The following CYTH1 variants were observed in gnomAD, a reference collection of about 807,000 sequenced individuals.
CYTH1 encodes cytohesin 1.
CYTH1 carries 18 observed loss-of-function variants against 61.8 expected under a neutral mutation model. That is an observed-to-expected ratio of 0.29 (90% CI 0.20 to 0.43). The LOEUF (loss-of-function observed/expected upper bound fraction) is 0.43, where lower values mean the gene tolerates loss of function less well. Ranked by LOEUF, CYTH1 falls within the 20% of genes least tolerant of loss-of-function variation. The pLI is 1.00. For missense variants in CYTH1, 336 were observed against 510.5 expected (o/e 0.66, Z 3.29); for synonymous variants, 174 against 184.3 (o/e 0.94, Z 0.45).
chr17:78,693,630 G>GA (rs900604219), intron 10 of CYTH1, among the ~76,000 whole-genome samples: 15 of 110,394 alleles, frequency 1.4e-4, no homozygotes, highest in African/African-American at 1.8e-4. Context: ...CAAAAAAAAA[G>GA]AAAAAAAAAA....
At chr17:78,703,839 G>C (rs1157017230) in intron 3 of CYTH1, among the ~76,000 whole-genome samples, 1 of 152,188 alleles carries the variant, frequency 6.6e-6, no homozygotes, top group East Asian at 1.9e-4. Context: ...CCAGATGATG[G>C]ACACTTAGGC....
chr17:78,682,994 GTTC>G (rs2092778954), intron 11 of CYTH1, among the ~76,000 whole-genome samples: 1 of 152,204 alleles, frequency 6.6e-6, no homozygotes, highest in South Asian at 2.1e-4. Flanking sequence ...TCCTGGACTA[GTTC>G]TTCTTTGGAA....
chr17:78,758,132 A>C (rs1244618374), intron 1 of CYTH1, among the ~76,000 whole-genome samples: 2 of 152,216 alleles, frequency 1.3e-5, no homozygotes, highest in Non-Finnish European at 2.9e-5. Flanking sequence ...AAATGTGAGC[A>C]AAACTTTATC....
chr17:78,749,763 T>C (rs2093372672), intron 1 of CYTH1, among the ~76,000 whole-genome samples: 1 of 152,184 alleles, frequency 6.6e-6, no homozygotes, highest in African/African-American at 2.4e-5. Context: ...TAAAACAATC[T>C]ATTTTTGAAG....
intron 4 of CYTH1, 27 bp downstream of exon 4, chr17:78,702,511 A>G: frequency 6.2e-7 from 1 of 1,611,806 alleles, no homozygotes; most frequent in Non-Finnish European, 8.5e-7. Context: ...TCTAATATGG[A>G]CCACTTCCCG....
At chr17:78,744,377 C>T (rs1163197393) in intron 1 of CYTH1, among the ~76,000 whole-genome samples, 1 of 152,164 alleles carries the variant, frequency 6.6e-6, no homozygotes, top group Non-Finnish European at 1.5e-5. Context: ...TATCCTCTCT[C>T]TGCAGCTTAG....
At chr17:78,715,059 T>C (rs559060873) in intron 1 of CYTH1, among the ~76,000 whole-genome samples, 37 of 151,892 alleles carry the variant, frequency 2.4e-4, no homozygotes, top group Non-Finnish European at 4.7e-4. Context: ...CCTGGAAATA[T>C]AAGCAAAAAA....
intron 1 of CYTH1, among the ~76,000 whole-genome samples, chr17:78,766,429 A>G (rs1251447498): frequency 6.6e-6 from 1 of 152,192 alleles, no homozygotes; most frequent in African/African-American, 2.4e-5. Context: ...GGAATCATCA[A>G]AGGCCAGGCT....
At chr17:78,742,993 G>A (rs2093347042) in intron 1 of CYTH1, among the ~76,000 whole-genome samples, 1 of 152,214 alleles carries the variant, frequency 6.6e-6, no homozygotes, top group Non-Finnish European at 1.5e-5. Context: ...CTTCTGTGGT[G>A]TGGTGGTGTC....
At chr17:78,703,168 C>G (rs1388065308) in intron 3 of CYTH1, among the ~76,000 whole-genome samples, 1 of 151,252 alleles carries the variant, frequency 6.6e-6, no homozygotes, top group African/African-American at 2.4e-5. Flanking sequence ...AATCCCAGCA[C>G]TTTGGGAGGC....
chr17:78,763,272 G>A (rs2093435879), intron 1 of CYTH1, among the ~76,000 whole-genome samples: 1 of 151,748 alleles, frequency 6.6e-6, no homozygotes, highest in Admixed American at 6.6e-5. Flanking sequence ...AAACCTAGGA[G>A]GCAGAGGTTG....
chr17:78,738,959 G>A (rs972179713), intron 1 of CYTH1, among the ~76,000 whole-genome samples: 7 of 152,220 alleles, frequency 4.6e-5, no homozygotes, highest in Non-Finnish European at 5.9e-5. Flanking sequence ...TGCTTGCCAC[G>A]TCCCTGATGG....
chr17:78,706,138 C>T (rs1172907749), intron 3 of CYTH1, among the ~76,000 whole-genome samples: 2 of 152,102 alleles, frequency 1.3e-5, no homozygotes, highest in African/African-American at 2.4e-5. Context: ...TTTTTAAGAT[C>T]GAGGTAAAAT....
chr17:78,695,862 T>A (rs1266551103), intron 10 of CYTH1, 145 bp downstream of exon 10: 27 of 1,219,688 alleles, frequency 2.2e-5, no homozygotes, highest in Middle Eastern at 2.3e-4. Context: ...ACCAGTTCCC[T>A]AGGGACTGTA....
Position 78,730,953 on chromosome 17 carries a change from C to A in CYTH1, c.23-21221G>T, listed in dbSNP as rs114239138. On this transcript the variant is annotated intron_variant, in intron 1 of 13. Coordinates refer to ENST00000446868, the MANE Select transcript of CYTH1 (RefSeq NM_004762.6). ...TGCTGGGATTACAGGTGTGAGCCAC[C>A]GCGCTCGGCACGAAATTATCTTCTT... Among the ~76,000 whole-genome samples the A allele has an allele frequency of 3.2e-3, 482 of 150,924 alleles. 1 individual carries two copies. Among genetic ancestry groups the A allele is most frequent in the African/African-American group, 0.011 (443 of 41,328 alleles).
At chr17:78,777,642 GT>G (rs1354317419) in intron 1 of CYTH1, among the ~76,000 whole-genome samples, 1 of 151,764 alleles carries the variant, frequency 6.6e-6, no homozygotes, top group African/African-American at 2.4e-5. Context: ...TGTTCCAAAA[GT>G]TTTTTAATAC....
chr17:78,684,941 C>T (rs556731864), intron 11 of CYTH1, among the ~76,000 whole-genome samples: 5 of 152,306 alleles, frequency 3.3e-5, no homozygotes, highest in South Asian at 2.1e-4. Context: ...TGGCTCACGC[C>T]TGTAATCCCA....
intron 3 of CYTH1, 53 bp from the exon 4 acceptor site, chr17:78,702,657 T>A (rs973844243): frequency 7.7e-6 from 12 of 1,551,880 alleles, no homozygotes; most frequent in Non-Finnish European, 8.9e-6. Flanking sequence ...CGGAAAGGCT[T>A]GAAAGACTAA....
chr17:78,731,023 G>A (rs1390591387), intron 1 of CYTH1, among the ~76,000 whole-genome samples: 1 of 152,100 alleles, frequency 6.6e-6, no homozygotes, highest in African/African-American at 2.4e-5. Context: ...CACACCAGCT[G>A]ATCTACAGGA....
Sources: allele counts gnomAD v4.1 joint callset (sites outside exome capture counted in the v4.1 genomes callset), GRCh38; gene constraint gnomAD v4.1.1; transcripts MANE v1.5; gene names NCBI Gene and HGNC (gene_info 2026-07-23, HGNC 2026-07-21).